The following CREM variants were observed in gnomAD, a reference collection of about 807,000 sequenced individuals.
CREM encodes cAMP responsive element modulator.
Under a neutral mutation model 37.3 loss-of-function variants are expected in CREM, and 13 were observed. The observed-to-expected ratio is 0.35, with a 90% confidence interval of 0.23 to 0.55. CREM has a LOEUF of 0.55. Among genes scored for constraint, CREM ranks in the 20% least tolerant of loss-of-function variants. The pLI is 0.88. For missense variants in CREM, 296 were observed against 362.3 expected (o/e 0.82, Z 1.49); for synonymous variants, 124 against 120.2 (o/e 1.03, Z -0.21).
chr10:35,165,839 G>A (rs1157497754), intron 3 of CREM, among the ~76,000 whole-genome samples: 2 of 151,940 alleles, frequency 1.3e-5, no homozygotes, highest in Non-Finnish European at 2.9e-5. Context: ...TTTAGCTAGG[G>A]CACTGTTCTC....
chr10:35,149,934 A>ACACACACC (rs2092465284), intron 3 of CREM, among the ~76,000 whole-genome samples: 1 of 149,610 alleles, frequency 6.7e-6, no homozygotes, highest in African/African-American at 2.5e-5. Flanking sequence ...ACACACACAC[A>ACACACACC]CACACCCTTG....
At chr10:35,194,409 A>G (rs2095060581) in intron 6 of CREM, among the ~76,000 whole-genome samples, 1 of 152,216 alleles carries the variant, frequency 6.6e-6, no homozygotes, top group Admixed American at 6.5e-5. Flanking sequence ...ATCTGGGAAA[A>G]TAAGGTATTA....
chr10:35,160,031 T>G (rs1198999133), intron 3 of CREM, among the ~76,000 whole-genome samples: 1 of 152,114 alleles, frequency 6.6e-6, no homozygotes, highest in Non-Finnish European at 1.5e-5. Flanking sequence ...TTTTCCCTTA[T>G]GATCCAACAG....
intron 3 of CREM, among the ~76,000 whole-genome samples, chr10:35,165,785 T>C (rs950840894): frequency 6.6e-6 from 1 of 151,552 alleles, no homozygotes; most frequent in Non-Finnish European, 1.5e-5. Context: ...ATACTATAAA[T>C]AGGAAATCCA....
intron 1 of CREM, among the ~76,000 whole-genome samples, chr10:35,136,895 A>G (rs1412128497): frequency 6.8e-6 from 1 of 147,460 alleles, no homozygotes; most frequent in African/African-American, 2.5e-5. Flanking sequence ...AACATGGCCC[A>G]TTGCAGCCTC....
chr10:35,207,372 C>T (rs543249453), intron 7 of CREM, among the ~76,000 whole-genome samples: 11 of 150,528 alleles, frequency 7.3e-5, no homozygotes, highest in Admixed American at 2.0e-4. Context: ...CCAGCCTGGG[C>T]GACAGAGCGA....
At chr10:35,175,010 G>C (rs1018353086) in intron 3 of CREM, among the ~76,000 whole-genome samples, 2 of 152,236 alleles carry the variant, frequency 1.3e-5, no homozygotes, top group Non-Finnish European at 2.9e-5. Context: ...CCAGGGGCTT[G>C]AAAGGTCCTG....
At chr10:35,145,657 T>C (rs1011482823) in intron 2 of CREM, among the ~76,000 whole-genome samples, 1 of 149,768 alleles carries the variant, frequency 6.7e-6, no homozygotes, top group Admixed American at 6.8e-5. Context: ...CATGCGTCAG[T>C]AATCCCAGCT....
At chr10:35,188,833 T>A (rs2094774504) in intron 6 of CREM, among the ~76,000 whole-genome samples, 1 of 151,984 alleles carries the variant, frequency 6.6e-6, no homozygotes, top group African/African-American at 2.4e-5. Context: ...AATTTTTGTA[T>A]TTTTAGTAGA....
intron 1 of CREM, among the ~76,000 whole-genome samples, chr10:35,132,737 C>A (rs2089669162): frequency 6.6e-6 from 1 of 152,156 alleles, no homozygotes; most frequent in Non-Finnish European, 1.5e-5. Flanking sequence ...TACTCATCTT[C>A]CCCTAAAATG....
At chr10:35,191,660 T>C (rs1403537915) in intron 6 of CREM, among the ~76,000 whole-genome samples, 4 of 152,162 alleles carry the variant, frequency 2.6e-5, no homozygotes. Flanking sequence ...CTCCACTTCC[T>C]GAGACTGTGT....
At chr10:35,207,719 A>G (rs1381711709) in intron 7 of CREM, among the ~76,000 whole-genome samples, 1 of 152,100 alleles carries the variant, frequency 6.6e-6, no homozygotes, top group African/African-American at 2.4e-5. Flanking sequence ...GCTTGCAGTG[A>G]GCTGAGGTCG....
chr10:35,175,200 C>T (rs1227796897), intron 3 of CREM, among the ~76,000 whole-genome samples: 1 of 152,180 alleles, frequency 6.6e-6, no homozygotes, highest in African/African-American at 2.4e-5. Context: ...GTAATCCCAG[C>T]ACTTTGGGAG....
intron 2 of CREM, among the ~76,000 whole-genome samples, chr10:35,138,329 T>G (rs2090905316): frequency 6.6e-6 from 1 of 152,248 alleles, no homozygotes; most frequent in Admixed American, 6.5e-5. Flanking sequence ...TCTGTTTCGT[T>G]AGTTGGATGT....
rs544861500 is a variant in CREM, at chr10:35,212,353, G to T, written c.*955G>T. 6.6e-6 allele frequency: 1 copy of T among 152,468 alleles called. No homozygotes were observed. The highest frequency in any genetic ancestry group is 2.1e-4 in the South Asian group (1 of 4,828). The allele number at this position is 152,468 out of a possible 1,614,324, so 9.4% of individuals were successfully genotyped here. On this transcript the variant is annotated 3_prime_UTR_variant, in exon 8 of 8. Coordinates refer to ENST00000685392, the MANE Select transcript of CREM (RefSeq NM_183011.2). ...TCCTTGAATGCCATAGTCAAAGAGA[G>T]TTTTTAATAGAACCATGTTGGTTGC...
At chr10:35,188,762 ATTC>A (rs912320665) in intron 6 of CREM, among the ~76,000 whole-genome samples, 8 of 148,998 alleles carry the variant, frequency 5.4e-5, no homozygotes, top group African/African-American at 2.0e-4. Context: ...GGTTCAAGTG[ATTC>A]TTCTGCCTCA....
At chr10:35,133,539 T>A (rs1307386076) in intron 1 of CREM, among the ~76,000 whole-genome samples, 1 of 152,170 alleles carries the variant, frequency 6.6e-6, no homozygotes, top group African/African-American at 2.4e-5. Flanking sequence ...CCTCATGTAA[T>A]CCACTCAACT....
intron 1 of CREM, among the ~76,000 whole-genome samples, chr10:35,133,763 T>C (rs1035836112): frequency 6.6e-6 from 1 of 152,268 alleles, no homozygotes; most frequent in African/African-American, 2.4e-5. Flanking sequence ...GCAACAAGTG[T>C]GGCTGGCACA....
intron 3 of CREM, among the ~76,000 whole-genome samples, chr10:35,149,170 G>C (rs1449219714): frequency 1.3e-5 from 2 of 152,152 alleles, no homozygotes; most frequent in African/African-American, 4.8e-5. Context: ...AAATGAATAA[G>C]GCCTACAGAA....
Sources: gnomAD v4.1 joint callset for allele counts (sites outside exome capture counted in the v4.1 genomes callset) on GRCh38, gnomAD v4.1.1 for gene constraint, MANE v1.5 for transcripts, NCBI Gene and HGNC (gene_info 2026-07-23, HGNC 2026-07-21) for gene names.